The following PARVB variants were observed in gnomAD, a reference collection of about 807,000 sequenced individuals.
The protein encoded by PARVB is beta-parvin.
In PARVB, 46 loss-of-function variants were observed where a neutral mutation model predicts 47.0. That is an observed-to-expected ratio of 0.98 (90% CI 0.77 to 1.25). The LOEUF (loss-of-function observed/expected upper bound fraction) is 1.25. PARVB is among the 50% of genes most tolerant of loss of function. The pLI, the probability that PARVB is intolerant of heterozygous loss-of-function variation, is 0.00. For missense variants in PARVB, 473 were observed against 471.6 expected (o/e 1.00, Z -0.03); for synonymous variants, 196 against 196.3 (o/e 1.00, Z 0.01).
chr22:44,052,934 C>T (rs1436918105), intron 1 of PARVB, among the ~76,000 whole-genome samples: 3 of 152,040 alleles, frequency 2.0e-5, no homozygotes, highest in Non-Finnish European at 4.4e-5. Context: ...CAGAGCAAAG[C>T]CCTATCTCAA....
At chr22:44,030,460 G>C (rs1253213054) in intron 1 of PARVB, among the ~76,000 whole-genome samples, 1 of 152,216 alleles carries the variant, frequency 6.6e-6, no homozygotes, top group African/African-American at 2.4e-5. Flanking sequence ...AGCCCTGGTC[G>C]GGGGCTGGAG....
intron 7 of PARVB, among the ~76,000 whole-genome samples, chr22:44,138,793 T>G (rs1052552893): frequency 2.0e-5 from 3 of 152,210 alleles, no homozygotes; most frequent in African/African-American, 7.2e-5. Context: ...TATTGGCTTA[T>G]GAGGTCTGTC....
intron 2 of PARVB, among the ~76,000 whole-genome samples, chr22:44,010,263 A>C (rs555488050): frequency 2.0e-4 from 31 of 152,296 alleles, no homozygotes; most frequent in African/African-American, 7.2e-4. Flanking sequence ...ATGAGTGTGC[A>C]AAGGAGAAAG....
chr22:44,159,195 A>G (rs1195709930), intron 11 of PARVB, among the ~76,000 whole-genome samples: 1 of 152,234 alleles, frequency 6.6e-6, no homozygotes, highest in Non-Finnish European at 1.5e-5. Flanking sequence ...CATCCAGCGA[A>G]GAAGCGCATG....
At chr22:44,039,404 G>C (rs1419659719) in intron 1 of PARVB, among the ~76,000 whole-genome samples, 1 of 152,112 alleles carries the variant, frequency 6.6e-6, no homozygotes, top group Non-Finnish European at 1.5e-5. Flanking sequence ...AGCTGGGCGT[G>C]GTGGTGCATG....
upstream of PARVB, among the ~76,000 whole-genome samples, chr22:44,020,705 T>C (rs1175742335): frequency 1.3e-5 from 2 of 152,096 alleles, no homozygotes; most frequent in Admixed American, 1.3e-4. Flanking sequence ...GGCATTAAGC[T>C]TCCTTGCCCT....
At chr22:44,080,615 C>T (rs139894386) in intron 1 of PARVB, among the ~76,000 whole-genome samples, 248 of 152,334 alleles carry the variant, frequency 1.6e-3, no homozygotes, top group African/African-American at 5.7e-3. Flanking sequence ...CTCCCTCTTG[C>T]CATGCAAAGT....
rs551681076 is a variant in PARVB, at chr22:44,069,621, C to T, written c.113-24307C>T. ...TTGGCTCACTGCAACCTCTGCCTCC[C>T]AGGTTCAAGTGATCCTCCTGCCTCA... On this transcript the variant is annotated intron_variant, in intron 1 of 12. Transcript: ENST00000338758. Among the ~76,000 whole-genome samples, 4 of 152,238 alleles carry T rather than the reference C, an allele frequency of 2.6e-5. No homozygotes were observed. In the East Asian group the frequency reaches 7.7e-4, roughly 29 times the overall value.
chr22:44,167,194 C>T (rs1046219401), intron 12 of PARVB, among the ~76,000 whole-genome samples: 2 of 152,180 alleles, frequency 1.3e-5, no homozygotes, highest in Non-Finnish European at 2.9e-5. Context: ...TTAAGGAGGC[C>T]CCTTGCCTGG....
chr22:44,051,336 T>G (rs1336710379), intron 1 of PARVB, among the ~76,000 whole-genome samples: 1 of 152,106 alleles, frequency 6.6e-6, no homozygotes, highest in Non-Finnish European at 1.5e-5. Flanking sequence ...GGGGGATTGA[T>G]GATGAGGTGG....
Position 44,169,100 on chromosome 22 carries a change from C to CTAATTTTTGTATTTTTTGT in PARVB, c.*422_*423insTAATTTTTGTATTTTTTGT. The CTAATTTTTGTATTTTTTGT allele has an allele frequency of 1.3e-5, 2 of 151,202 alleles. No individual in the cohort carries two copies. The highest frequency in any genetic ancestry group is 6.5e-5 in the African/African-American group (2 of 30,742). The allele number at this position is 151,202 out of a possible 1,614,324, so 9.4% of individuals were successfully genotyped here. A position where few individuals can be genotyped will look rare whatever the true frequency, so the allele number is the denominator to read the frequency against. ...TCACAGGCCTTCAGAAGTACAACAT[C>CTAATTTTTGTATTTTTTGT]AGCTCAGCAGGAACGCCGGCTCCCC... On this transcript the variant is annotated 3_prime_UTR_variant, in exon 13 of 13. Coordinates refer to ENST00000338758, the MANE Select transcript of PARVB (RefSeq NM_013327.5).
chr22:44,102,535 A>G (rs947308797), intron 3 of PARVB, among the ~76,000 whole-genome samples: 1 of 152,142 alleles, frequency 6.6e-6, no homozygotes, highest in African/African-American at 2.4e-5. Flanking sequence ...TTCCATGTGG[A>G]GACTCAGAGA....
At position 44,049,058 on chromosome 22, in the gene PARVB, C is replaced by T. The variant is rs1452001813; in HGVS notation, c.112+24607C>T. Among the ~76,000 whole-genome samples the T allele has an allele frequency of 2.0e-5, 3 of 152,102 alleles. No homozygotes were observed. Among genetic ancestry groups the T allele is most frequent in the Admixed American group, 1.3e-4 (2 of 15,276 alleles). Reference sequence around the variant, plus strand: ...CCTCCCAGCCACATGGCCTCGGATCCGGGCTGCAGGTCCAGGCTTTCCGGC... The same window carrying T: ...CCTCCCAGCCACATGGCCTCGGATCTGGGCTGCAGGTCCAGGCTTTCCGGC... On this transcript the variant is annotated intron_variant, in intron 1 of 12. Coordinates refer to ENST00000338758, the MANE Select transcript of PARVB (RefSeq NM_013327.5). The surrounding 1 kb of genome is among the most constrained non-coding windows in gnomAD (Gnocchi z 4.0).
chr22:44,091,646 C>T (rs1038917463), intron 1 of PARVB, among the ~76,000 whole-genome samples: 1 of 152,168 alleles, frequency 6.6e-6, no homozygotes, highest in African/African-American at 2.4e-5. Context: ...GTAGCCTGGT[C>T]CGAATGTCCT....
At chr22:44,124,915 G>T (rs1489061637) in intron 4 of PARVB, among the ~76,000 whole-genome samples, 1 of 152,162 alleles carries the variant, frequency 6.6e-6, no homozygotes, top group African/African-American at 2.4e-5. Flanking sequence ...GAGACTAGGG[G>T]AGCCCCTGCC....
In PARVB at chr22:44,027,468, A is replaced by G. The variant is rs190418284; in HGVS notation, c.112+3017A>G. On this transcript the variant is annotated intron_variant, in intron 1 of 12. Transcript: ENST00000338758. ...CACCAGGCACTGGACCTCAGGCGCC[A>G]CTGCCCAGTGGCCAGGGTCAGGTTT... Among the ~76,000 whole-genome samples the G allele has an allele frequency of 4.2e-4, 64 of 152,312 alleles. 1 individual carries two copies. The highest frequency in any genetic ancestry group is 3.1e-3 in the Admixed American group (48 of 15,302).
Position 44,038,143 on chromosome 22 carries a change from T to C in PARVB, c.112+13692T>C, listed in dbSNP as rs141503565. ...CAGGGTGGGGGCCCCTCTTTGCCCA[T>C]TGGCACCATCATGTCCCTGCATTCC... On this transcript the variant is annotated intron_variant, in intron 1 of 12. Coordinates refer to ENST00000338758, the MANE Select transcript of PARVB (RefSeq NM_013327.5). Among the ~76,000 whole-genome samples, 257 of 152,380 alleles carry C rather than the reference T, an allele frequency of 1.7e-3. 2 individuals carry two copies. The highest frequency in any genetic ancestry group is 6.0e-3 in the African/African-American group (249 of 41,594).
intron 2 of PARVB, among the ~76,000 whole-genome samples, chr22:44,008,006 A>G (rs2050483765): frequency 6.6e-6 from 1 of 152,172 alleles, no homozygotes; most frequent in South Asian, 2.1e-4. Context: ...AATTTCATGT[A>G]TATACGCATG....
Position 44,151,728 on chromosome 22 carries a change from C to A in PARVB, c.843+177C>A, listed in dbSNP as rs915937845. On this transcript the variant is annotated intron_variant, in intron 10 of 12. Transcript: ENST00000338758. Reference sequence around the variant, plus strand: ...TTCTCAGCCCCTCTGTCTTCCTTTCCTGGGGCTGCTGCCACAAAGCACCAC... The same window carrying A: ...TTCTCAGCCCCTCTGTCTTCCTTTCATGGGGCTGCTGCCACAAAGCACCAC... 34 of 575,350 alleles carry A rather than the reference C, an allele frequency of 5.9e-5. No individual in the cohort carries two copies. The Admixed American group carries it at 9.6e-4, about 16-fold the overall frequency. 35.6% of individuals were successfully genotyped at this position (575,350 alleles called of 1,614,324 possible). A position where few individuals can be genotyped will look rare whatever the true frequency, so the allele number is the denominator to read the frequency against.
Sources: gnomAD v4.1 joint callset for allele counts (sites outside exome capture counted in the v4.1 genomes callset) on GRCh38, gnomAD v4.1.1 for gene constraint, Gnocchi (gnomAD v3.1) non-coding constraint, MANE v1.5 for transcripts, NCBI Gene and HGNC (gene_info 2026-07-23, HGNC 2026-07-21) for gene names.